Variants in TEX36 observed in about 807,000 individuals in gnomAD.
The protein encoded by TEX36 is testis expressed 36, also known as testis-expressed protein 36.
TEX36 carries 12 observed loss-of-function variants against 13.6 expected under a neutral mutation model. The observed-to-expected ratio is 0.88, with a 90% CI of 0.56 to 1.43. TEX36 has a LOEUF of 1.43. Ranked by LOEUF, TEX36 falls within the 40% of genes most tolerant of loss-of-function variation. TEX36 has a pLI of 0.00. For missense variants in TEX36, 224 were observed against 228.3 expected, an observed-to-expected ratio of 0.98 and a Z score of 0.12; for synonymous variants, 93 against 83.0, an observed-to-expected ratio of 1.12 and a Z score of -0.65.
At chr10:125,610,487 T>C (rs1846275415) in intron 3 of TEX36, among the ~76,000 whole-genome samples, 1 of 144,100 alleles carries the variant, frequency 6.9e-6, no homozygotes, top group African/African-American at 2.9e-5. Flanking sequence ...ACCTGCTGAA[T>C]CGGAACTTGT....
intron 3 of TEX36, among the ~76,000 whole-genome samples, chr10:125,591,603 C>T (rs866384166): frequency 5.3e-5 from 8 of 152,150 alleles, no homozygotes; most frequent in Non-Finnish European, 4.4e-5. Context: ...CTCGTGTCTG[C>T]CATGGTTCTC....
intron 3 of TEX36, among the ~76,000 whole-genome samples, chr10:125,660,817 T>C (rs752915448): frequency 3.9e-5 from 6 of 152,022 alleles, no homozygotes; most frequent in Non-Finnish European, 7.4e-5. Flanking sequence ...GGCAGAACAC[T>C]GGTGTAGATC....
chr10:125,598,017 C>T (rs1371709578), intron 3 of TEX36, among the ~76,000 whole-genome samples: 1 of 152,068 alleles, frequency 6.6e-6, no homozygotes, highest in Non-Finnish European at 1.5e-5. Flanking sequence ...TGGAATTTCC[C>T]TTGAAGAGAC....
intron 3 of TEX36, among the ~76,000 whole-genome samples, chr10:125,595,406 A>C (rs546125536): frequency 6.6e-6 from 1 of 152,328 alleles, no homozygotes; most frequent in South Asian, 2.1e-4. Context: ...ATCCTTGGCC[A>C]ATCTTCACAG....
rs7092281 is a variant in TEX36 at position 125,661,190 on chromosome 10, A to G, written c.184-89T>C. On this transcript the variant is annotated intron_variant, in intron 2 of 3. Coordinates refer to ENST00000368821, the MANE Select transcript of TEX36 (RefSeq NM_001128202.3). ...ATCGGGTGATGTGGAAGGAAGATGG[A>G]TGAGGCAAAGCGACCTCTAAGAAAG... The G allele has an allele frequency of 6.2e-3, 6,745 of 1,082,812 alleles. 300 individuals are homozygous for G. In the African/African-American group the frequency reaches 0.091, roughly 15 times the overall value. The allele number at this position is 1,082,812 out of a possible 1,614,324, so 67.1% of individuals were successfully genotyped here.
intron 3 of TEX36, among the ~76,000 whole-genome samples, chr10:125,622,478 C>T (rs1044551715): frequency 3.9e-5 from 6 of 152,210 alleles, no homozygotes; most frequent in Admixed American, 2.6e-4. Flanking sequence ...CCTTCTTCTA[C>T]GCATTCTGTA....
chr10:125,652,856 A>C (rs1434433399), downstream of TEX36, among the ~76,000 whole-genome samples: 1 of 152,242 alleles, frequency 6.6e-6, no homozygotes, highest in African/African-American at 2.4e-5. Context: ...TCAAAGGAAG[A>C]CATTTATGCA....
intron 3 of TEX36, among the ~76,000 whole-genome samples, chr10:125,581,618 CTG>C (rs1485349131): frequency 4.6e-5 from 7 of 152,216 alleles, no homozygotes; most frequent in Non-Finnish European, 1.5e-5. Context: ...AATGGCCTGT[CTG>C]TGGATTATCC....
intron 3 of TEX36, among the ~76,000 whole-genome samples, chr10:125,593,981 G>A (rs1487189216): frequency 6.6e-6 from 1 of 152,240 alleles, no homozygotes; most frequent in Admixed American, 6.5e-5. Flanking sequence ...AGGTGACACA[G>A]GGGATGTTTT....
chr10:125,650,633 A>G (rs1038577029), intron 3 of TEX36, among the ~76,000 whole-genome samples: 1 of 152,234 alleles, frequency 6.6e-6, no homozygotes, highest in African/African-American at 2.4e-5. Flanking sequence ...CAGAAGGGGC[A>G]AGAAATAACT....
chr10:125,664,717 C>G (rs1847097555), intron 1 of TEX36, among the ~76,000 whole-genome samples: 1 of 152,198 alleles, frequency 6.6e-6, no homozygotes, highest in Non-Finnish European at 1.5e-5. Context: ...CCCAGCCATA[C>G]AGAACTGTGA....
intron 3 of TEX36, among the ~76,000 whole-genome samples, chr10:125,606,700 G>A (rs889812185): frequency 2.6e-5 from 4 of 152,128 alleles, no homozygotes; most frequent in Admixed American, 6.5e-5. Flanking sequence ...TTACTGTTCC[G>A]GAGATAACAG....
At chr10:125,666,786 C>T (rs1455032031) in intron 1 of TEX36, 1 of 237,746 alleles carries the variant, frequency 4.2e-6, no homozygotes, top group Non-Finnish European at 8.2e-6. Context: ...CACGGGCAAG[C>T]CAACCTGGAG....
intron 1 of TEX36, among the ~76,000 whole-genome samples, chr10:125,681,807 A>G (rs1589794282): frequency 6.6e-6 from 1 of 152,352 alleles, no homozygotes; most frequent in East Asian, 1.9e-4. Context: ...TGTACTGAGC[A>G]CTTGTTAATG....
intron 3 of TEX36, among the ~76,000 whole-genome samples, chr10:125,608,129 C>T (rs957034810): frequency 1.1e-4 from 16 of 152,038 alleles, no homozygotes; most frequent in African/African-American, 3.1e-4. Flanking sequence ...TATTCCAGAG[C>T]GGGGAAAACA....
Position 125,589,975 on chromosome 10 carries a change from CTGCATAATTAAGT to C in TEX36, c.265-13114_265-13102del, listed in dbSNP as rs1179376709. 1.4e-4 allele frequency among the ~76,000 whole-genome samples: 21 copies of C among 152,302 alleles called. No homozygotes were observed. In the East Asian group the frequency reaches 3.9e-3, roughly 28 times the overall value. On this transcript the variant is annotated intron_variant, in intron 3 of 3. Transcript: ENST00000532135. ...TGAGCATCATTTTGCTTTTCCAAATCTGCATAATTAAGTTGCAGGTCTCCTTTTTCACAACTAC... is the reference window on the plus strand; with the variant it reads ...TGAGCATCATTTTGCTTTTCCAAATCTGCAGGTCTCCTTTTTCACAACTAC...
chr10:125,599,516 T>A (rs1846120320), intron 3 of TEX36, among the ~76,000 whole-genome samples: 1 of 152,252 alleles, frequency 6.6e-6, no homozygotes, highest in Non-Finnish European at 1.5e-5. Flanking sequence ...TCTTTCAGTA[T>A]CATGTTCTTA....
chr10:125,623,974 C>T (rs1018565237), intron 3 of TEX36, among the ~76,000 whole-genome samples: 8 of 152,138 alleles, frequency 5.3e-5, no homozygotes, highest in African/African-American at 1.9e-4. Flanking sequence ...GGGATTAACC[C>T]GTGTGGACAG....
At chr10:125,630,684 G>A (rs1299618580) in intron 3 of TEX36, among the ~76,000 whole-genome samples, 1 of 152,104 alleles carries the variant, frequency 6.6e-6, no homozygotes, top group Non-Finnish European at 1.5e-5. Context: ...CATGTCGATG[G>A]GAAACTAGTG....
Sources: gnomAD v4.1 joint callset for allele counts (sites outside exome capture counted in the v4.1 genomes callset) on GRCh38, gnomAD v4.1.1 for gene constraint, MANE v1.5 for transcripts, NCBI Gene and HGNC (gene_info 2026-07-23, HGNC 2026-07-21) for gene names.